SORCS3: variants seen among roughly 807,000 people sequenced by gnomAD.
SORCS3 encodes the protein sortilin related VPS10 domain containing receptor 3, also known as VPS10 domain-containing receptor SorCS3.
In SORCS3, 57 loss-of-function variants were observed where a neutral mutation model predicts 146.3. The ratio of observed to expected loss-of-function variants is 0.39; its 90% CI spans 0.31 to 0.49. SORCS3 has a LOEUF of 0.49. Ranked by LOEUF, SORCS3 falls within the 20% of genes least tolerant of loss-of-function variation. The pLI is 0.92. For missense variants in SORCS3, 1,341 were observed against 1,575.5 expected, an observed-to-expected ratio of 0.85 and a Z score of 2.52; for synonymous variants, 653 against 618.5, an observed-to-expected ratio of 1.06 and a Z score of -0.83.
intron 1 of SORCS3, among the ~76,000 whole-genome samples, chr10:104,677,683 C>T (rs1021309183): frequency 1.3e-5 from 2 of 152,116 alleles, no homozygotes; most frequent in Non-Finnish European, 2.9e-5. Flanking sequence ...GCTCAGAGGA[C>T]GAAATGTGGC....
intron 3 of SORCS3, among the ~76,000 whole-genome samples, chr10:104,945,020 A>G (rs2019355959): frequency 6.6e-6 from 1 of 152,246 alleles, no homozygotes. Flanking sequence ...AGATTGAATG[A>G]ATTACTGCTA....
intron 3 of SORCS3, among the ~76,000 whole-genome samples, chr10:104,948,418 G>T (rs1198450750): frequency 6.6e-6 from 1 of 152,194 alleles, no homozygotes; most frequent in Non-Finnish European, 1.5e-5. Context: ...AGAAAAATGG[G>T]CAAGGACTCT....
intron 5 of SORCS3, among the ~76,000 whole-genome samples, chr10:105,083,809 G>T (rs771106128): frequency 6.6e-6 from 1 of 152,166 alleles, no homozygotes; most frequent in Non-Finnish European, 1.5e-5. Flanking sequence ...TATACAGAAT[G>T]CATTCGTATT....
At chr10:105,195,154 A>C (rs1037021557) in intron 14 of SORCS3, among the ~76,000 whole-genome samples, 9 of 152,172 alleles carry the variant, frequency 5.9e-5, no homozygotes, top group Non-Finnish European at 1.3e-4. Context: ...TATTCTATTG[A>C]TACATGAACC....
chr10:105,003,370 C>G (rs768191761), intron 4 of SORCS3, among the ~76,000 whole-genome samples: 2 of 152,080 alleles, frequency 1.3e-5, no homozygotes, highest in African/African-American at 2.4e-5. Context: ...GTGGGAGACA[C>G]AGCCCTTAGC....
chr10:104,724,263 G>A (rs1454033978), intron 1 of SORCS3, among the ~76,000 whole-genome samples: 13 of 152,066 alleles, frequency 8.5e-5, no homozygotes, highest in African/African-American at 1.4e-4. Flanking sequence ...ATGAAATTCC[G>A]GGTTGAAAAT....
chr10:104,774,279 G>A (rs1241945075), intron 1 of SORCS3, among the ~76,000 whole-genome samples: 1 of 152,146 alleles, frequency 6.6e-6, no homozygotes, highest in Non-Finnish European at 1.5e-5. Flanking sequence ...GGGACAGCAG[G>A]AAGAGGGCTT....
intron 1 of SORCS3, among the ~76,000 whole-genome samples, chr10:104,778,574 C>T (rs2058789642): frequency 6.6e-6 from 1 of 152,196 alleles, no homozygotes; most frequent in Admixed American, 6.5e-5. Context: ...ATCAAAGCAC[C>T]AGCTCAGTTC....
intron 19 of SORCS3, chr10:105,217,775 T>A (rs550587423): frequency 3.4e-4 from 153 of 453,704 alleles, no homozygotes; most frequent in Non-Finnish European, 6.4e-4. Flanking sequence ...TTGTGCTGGA[T>A]GCATTTTGTG....
chr10:104,977,410 T>C lies in SORCS3; in HGVS notation c.871T>C (p.Tyr291His). The C allele has an allele frequency of 1.2e-6, 2 of 1,613,880 alleles. No individual in the cohort carries two copies. Among genetic ancestry groups the C allele is most frequent in the Non-Finnish European group, 1.7e-6 (2 of 1,179,878 alleles). Residue 291 changes from tyrosine (Y) to histidine (H), a missense_variant, in exon 4 of 27, where the codon TAT (tyrosine) becomes CAT (histidine). Physicochemically the swap from Tyr to His is moderately conservative, Grantham distance 83. Coordinates refer to ENST00000369701, the MANE Select transcript of SORCS3 (RefSeq NM_014978.3). ...AGACGAAGGGGCGACCTATCAGAAG[T>C]ATCGGCTCACCTTCTATATCCAGAG... ...SSDEGATYQK[Y>H]RLTFYIQSLL... is the part of the protein sequence containing the mutation.
rs1564661580 is a variant in SORCS3 at position 104,696,673 on chromosome 10, A to AATATATATTATAT, written c.627+54720_627+54721insTATATATTATATA. On this transcript the variant is annotated intron_variant, in intron 1 of 26. Coordinates refer to ENST00000369701, the MANE Select transcript of SORCS3 (RefSeq NM_014978.3). ...TATTATATACGTATATATAATATAT[A>AATATATATTATAT]ACATATATAATATATAATATATATT... is the stretch of plus-strand genomic sequence containing the variant. Among the ~76,000 whole-genome samples, 86 of 9,160 alleles carry AATATATATTATAT rather than the reference A, an allele frequency of 9.4e-3. 16 individuals carry two copies. The highest frequency in any genetic ancestry group is 0.011 in the African/African-American group (30 of 2,662). 6.0% of individuals were successfully genotyped at this position (9,160 alleles called of 152,430 possible).
chr10:105,044,006 G>T (rs1477377608), intron 5 of SORCS3, among the ~76,000 whole-genome samples: 1 of 152,034 alleles, frequency 6.6e-6, no homozygotes, highest in Non-Finnish European at 1.5e-5. Flanking sequence ...CAGAAGTGAT[G>T]GCTAAAGGAA....
chr10:105,209,431 C>T (rs1368711392), intron 16 of SORCS3, among the ~76,000 whole-genome samples: 1 of 152,156 alleles, frequency 6.6e-6, no homozygotes, highest in African/African-American at 2.4e-5. Flanking sequence ...GTGTGAACCA[C>T]TGTGCCCAGC....
At chr10:105,060,930 T>G (rs2055481709) in intron 5 of SORCS3, among the ~76,000 whole-genome samples, 1 of 143,076 alleles carries the variant, frequency 7.0e-6, no homozygotes, top group African/African-American at 2.5e-5. Flanking sequence ...AGAGTGAAAC[T>G]CCGTCTTAAA....
chr10:104,988,241 C>T (rs1053201275), intron 4 of SORCS3, among the ~76,000 whole-genome samples: 1 of 152,152 alleles, frequency 6.6e-6, no homozygotes, highest in African/African-American at 2.4e-5. Flanking sequence ...GTGGGCTTTC[C>T]CTTGCCTTAA....
At chr10:105,186,538 A>G (rs1210520320) in intron 14 of SORCS3, among the ~76,000 whole-genome samples, 2 of 152,174 alleles carry the variant, frequency 1.3e-5, no homozygotes, top group Non-Finnish European at 2.9e-5. Flanking sequence ...TTTTAATGAC[A>G]TAAGAAAACA....
chr10:105,154,732 T>C (rs2056193926), intron 9 of SORCS3, among the ~76,000 whole-genome samples: 3 of 152,206 alleles, frequency 2.0e-5, no homozygotes, highest in Non-Finnish European at 4.4e-5. Context: ...CATAATACTT[T>C]TGTCTTAGAA....
intron 1 of SORCS3, among the ~76,000 whole-genome samples, chr10:104,788,681 G>A (rs1334643954): frequency 6.6e-6 from 1 of 152,150 alleles, no homozygotes; most frequent in African/African-American, 2.4e-5. Context: ...TGTTAAAAAT[G>A]AATTTCAGAT....
At chr10:105,167,504 A>C (rs2056324079) in intron 13 of SORCS3, among the ~76,000 whole-genome samples, 155 bp downstream of exon 13, 1 of 152,094 alleles carries the variant, frequency 6.6e-6, no homozygotes, top group Non-Finnish European at 1.5e-5. Flanking sequence ...TACATCATCT[A>C]ACTCATAAGC....
Sources: allele counts gnomAD v4.1 joint callset (sites outside exome capture counted in the v4.1 genomes callset), GRCh38; gene constraint gnomAD v4.1.1; transcripts MANE v1.5; gene names NCBI Gene and HGNC (gene_info 2026-07-23, HGNC 2026-07-21).